Variants in FBXL20 observed in about 807,000 individuals in gnomAD.
FBXL20 encodes F-box and leucine rich repeat protein 20.
FBXL20 carries 11 observed loss-of-function variants against 64.0 expected under a neutral mutation model. That is an observed-to-expected ratio of 0.17 (90% CI 0.11 to 0.28). The LOEUF is 0.28. Among genes scored for constraint, FBXL20 ranks in the 10% least tolerant of loss-of-function variants. FBXL20 has a pLI of 1.00. For synonymous variants in FBXL20, 184 were observed against 189.0 expected (o/e 0.97, Z 0.22); for missense variants, 303 against 526.2 (o/e 0.58, Z 4.15).
At position 39,286,574 on chromosome 17, in the gene FBXL20, G is replaced by A. The variant is rs539930324; in HGVS notation, c.399-1001C>T. On this transcript the variant is annotated intron_variant, in intron 6 of 14. Coordinates refer to ENST00000264658, the MANE Select transcript of FBXL20 (RefSeq NM_032875.3). ...TATTTCTTGGGAGGCTGAGGTGGGT[G>A]GATCACCTGAGGTCAGGAGTTCTAG... 6.6e-5 allele frequency among the ~76,000 whole-genome samples: 10 copies of A among 152,196 alleles called. No homozygotes were observed. In the South Asian group the frequency reaches 2.1e-3, roughly 32 times the overall value.
At chr17:39,265,869 AAT>A (rs886394943) in intron 12 of FBXL20, among the ~76,000 whole-genome samples, 11 of 151,828 alleles carry the variant, frequency 7.2e-5, no homozygotes, top group African/African-American at 9.7e-5. Flanking sequence ...CAGCCTCCTG[AAT>A]GGCTGGGACA....
intron 2 of FBXL20, among the ~76,000 whole-genome samples, chr17:39,326,145 C>T (rs1431310345): frequency 6.6e-6 from 1 of 151,936 alleles, no homozygotes; most frequent in African/African-American, 2.4e-5. Flanking sequence ...TAGAGACTTC[C>T]TAACTTCTCA....
chr17:39,388,773 C>T (rs149748573), intron 1 of FBXL20, among the ~76,000 whole-genome samples: 5 of 150,420 alleles, frequency 3.3e-5, no homozygotes, highest in East Asian at 4.1e-4. Context: ...TGAGCCACCG[C>T]GCCCGGCAAA....
chr17:39,299,268 C>G (rs1723855819), intron 4 of FBXL20, among the ~76,000 whole-genome samples, 184 bp from the exon 5 acceptor site: 1 of 152,152 alleles, frequency 6.6e-6, no homozygotes, highest in African/African-American at 2.4e-5. Context: ...TGCATCATGC[C>G]TAAACCCCAT....
intron 6 of FBXL20, among the ~76,000 whole-genome samples, chr17:39,291,950 C>CT (rs976001801): frequency 3.3e-5 from 5 of 151,196 alleles, no homozygotes; most frequent in Non-Finnish European, 5.9e-5. Context: ...TTAATTTCTA[C>CT]TTTAATTTTG....
chr17:39,270,321 A>G (rs569353287), intron 11 of FBXL20, among the ~76,000 whole-genome samples: 1 of 152,294 alleles, frequency 6.6e-6, no homozygotes, highest in East Asian at 1.9e-4. Flanking sequence ...AGGTGAGCGG[A>G]TGACTTGAGG....
chr17:39,401,531 CG>C lies in FBXL20; in HGVS notation c.-130del. On this transcript the variant is annotated 5_prime_UTR_variant, in exon 1 of 15. Transcript: ENST00000264658. Reference sequence around the variant, plus strand: ...GAGGGGTGACGCCGGGACCGTGGGACGGGAACAAGAGACCTCTCGGCTCCGG... The same window carrying C: ...GAGGGGTGACGCCGGGACCGTGGGACGGAACAAGAGACCTCTCGGCTCCGG... 1 of 1,450,892 alleles carries C rather than the reference CG, an allele frequency of 6.9e-7. No homozygotes were observed. The allele number at this position is 1,450,892 out of a possible 1,614,324, so 89.9% of individuals were successfully genotyped here. A position where few individuals can be genotyped will look rare whatever the true frequency, so the allele number is the denominator to read the frequency against.
intron 3 of FBXL20, among the ~76,000 whole-genome samples, chr17:39,302,740 C>A (rs1321039717): frequency 2.6e-5 from 4 of 151,830 alleles, no homozygotes; most frequent in African/African-American, 9.7e-5. Context: ...GAACTCCTGG[C>A]CTCAAGCAAT....
intron 1 of FBXL20, among the ~76,000 whole-genome samples, chr17:39,350,535 A>AC (rs1555611634): frequency 1.3e-5 from 2 of 150,988 alleles, no homozygotes; most frequent in African/African-American, 2.5e-5. Context: ...AAAAAAAAAA[A>AC]CATAGCTAAT....
At chr17:39,272,425 T>C (rs2046852773) in intron 10 of FBXL20, among the ~76,000 whole-genome samples, 1 of 146,896 alleles carries the variant, frequency 6.8e-6, no homozygotes, top group Admixed American at 6.9e-5. Context: ...TTCCAAGAGA[T>C]GGCCAGGTGC....
intron 2 of FBXL20, among the ~76,000 whole-genome samples, chr17:39,325,253 G>A (rs1857580521): frequency 6.6e-6 from 1 of 152,154 alleles, no homozygotes; most frequent in Non-Finnish European, 1.5e-5. Flanking sequence ...CTTGTGAAAT[G>A]ACTCAAAATG....
chr17:39,379,842 G>A (rs2048005452), intron 1 of FBXL20, among the ~76,000 whole-genome samples: 2 of 151,844 alleles, frequency 1.3e-5, no homozygotes, highest in African/African-American at 4.8e-5. Context: ...AGCTGGGTGT[G>A]GTGGTATATG....
intron 1 of FBXL20, among the ~76,000 whole-genome samples, chr17:39,374,738 T>A (rs1023674718): frequency 3.3e-5 from 5 of 152,272 alleles, no homozygotes; most frequent in Admixed American, 3.3e-4. Flanking sequence ...CCAAAGCAAT[T>A]CCAATGAAAT....
At chr17:39,401,962 G>T, upstream of FBXL20, 1 of 449,434 alleles carries the variant, frequency 2.2e-6, no homozygotes, top group Non-Finnish European at 3.6e-6. Flanking sequence ...GGACCAGCGA[G>T]GGAGAGTAGA....
intron 10 of FBXL20, among the ~76,000 whole-genome samples, chr17:39,273,039 TTTTG>T (rs779754052): frequency 1.1e-4 from 16 of 152,150 alleles, no homozygotes; most frequent in Non-Finnish European, 2.1e-4. Flanking sequence ...CAAAAGGTTT[TTTTG>T]TTTGTTTGTT....
intron 2 of FBXL20, among the ~76,000 whole-genome samples, chr17:39,321,010 G>GT (rs898359517): frequency 3.0e-4 from 46 of 151,678 alleles, no homozygotes; most frequent in African/African-American, 9.2e-4. Context: ...TTCTTTTTTT[G>GT]TTTTTTTCTC....
At chr17:39,340,833 T>C (rs1423158437) in intron 2 of FBXL20, among the ~76,000 whole-genome samples, 2 of 152,000 alleles carry the variant, frequency 1.3e-5, no homozygotes, top group Non-Finnish European at 2.9e-5. Flanking sequence ...TTTGAACCAT[T>C]ACTTAAAACT....
intron 2 of FBXL20, among the ~76,000 whole-genome samples, chr17:39,341,890 CAT>C (rs1472089159): frequency 1.3e-5 from 2 of 152,160 alleles, no homozygotes; most frequent in African/African-American, 4.8e-5. Context: ...AGCTCATCAA[CAT>C]GTAGTAGAGT....
At chr17:39,349,252 A>C (rs567079980) in intron 1 of FBXL20, among the ~76,000 whole-genome samples, 1 of 149,186 alleles carries the variant, frequency 6.7e-6, no homozygotes, top group Non-Finnish European at 1.5e-5. Flanking sequence ...ACTCCGTCTC[A>C]AAATAAATAA....
Sources: allele counts gnomAD v4.1 joint callset (sites outside exome capture counted in the v4.1 genomes callset), GRCh38; gene constraint gnomAD v4.1.1; transcripts MANE v1.5; gene names NCBI Gene and HGNC (gene_info 2026-07-23, HGNC 2026-07-21).